DNAH9: variants seen among roughly 807,000 people sequenced by gnomAD.
DNAH9 encodes the protein dynein axonemal heavy chain 9, also known as DNAH9 variant protein.
In DNAH9, 345 loss-of-function variants were observed where a neutral mutation model predicts 471.6. That is an observed-to-expected ratio of 0.73 (90% CI 0.67 to 0.80). The LOEUF is 0.80. Among genes scored for constraint, DNAH9 ranks in the 30% least tolerant of loss-of-function variants. The probability of loss-of-function intolerance (pLI) is 0.00; values close to 1 mark genes in which losing one functional copy is unlikely to be tolerated. For missense variants in DNAH9, 5,407 were observed against 5,609.2 expected (o/e 0.96, Z 1.15); for synonymous variants, 2,093 against 2,123.6 (o/e 0.99, Z 0.40).
Position 11,669,541 on chromosome 17 carries a change from A to G in DNAH9, c.3100A>G (p.Ile1034Val). Residue 1034 changes from isoleucine (I) to valine (V), a missense_variant, in exon 17 of 69, where the codon ATC (isoleucine) becomes GTC (valine). Physicochemically the swap from Ile to Val is conservative, Grantham distance 29. This residue lies in a region of DNAH9 where 4,636 missense variants were observed against 4,900.3 expected (regional missense o/e 0.95). Transcript: ENST00000262442. ...GGGTCAGTTTCTGCTGTACGGGCACATCCTCACTCCGGAAGAAATTGAAGA... is the reference window on the plus strand; with the variant it reads ...GGGTCAGTTTCTGCTGTACGGGCACGTCCTCACTCCGGAAGAAATTGAAGA... ...VLGQFLLYGHILTPEEIEDHV... is the reference protein window; with the variant it reads ...VLGQFLLYGHVLTPEEIEDHV... 6.2e-7 allele frequency: 1 copy of G among 1,614,154 alleles called. No individual in the cohort carries two copies. Among genetic ancestry groups the G allele is most frequent in the Non-Finnish European group, 8.5e-7 (1 of 1,180,034 alleles).
chr17:11,742,980 C>T (rs926267151), intron 30 of DNAH9, among the ~76,000 whole-genome samples: 2 of 152,200 alleles, frequency 1.3e-5, no homozygotes, highest in African/African-American at 4.8e-5. Flanking sequence ...TATCCCCTCT[C>T]TAGGTTCTTT....
chr17:11,861,683 C>T (rs1363157996), intron 50 of DNAH9, among the ~76,000 whole-genome samples: 7 of 152,078 alleles, frequency 4.6e-5, no homozygotes, highest in Admixed American at 2.6e-4. Context: ...TTCTCCAGCA[C>T]CTGTTGTTTC....
At chr17:11,873,892 A>G (rs1212837625) in intron 52 of DNAH9, among the ~76,000 whole-genome samples, 1 of 152,128 alleles carries the variant, frequency 6.6e-6, no homozygotes, top group Non-Finnish European at 1.5e-5. Context: ...TTTCATATCA[A>G]TGTTACCTTA....
chr17:11,741,473 C>A (rs936680892), intron 29 of DNAH9, among the ~76,000 whole-genome samples: 4 of 149,396 alleles, frequency 2.7e-5, no homozygotes, highest in African/African-American at 1.0e-4. Context: ...ATATTTTAGA[C>A]CTCATCATTA....
rs9900277 is a variant in DNAH9, at chr17:11,943,274, C to G, written c.12843+789C>G. Among the ~76,000 whole-genome samples, 316 of 152,280 alleles carry G rather than the reference C, an allele frequency of 2.1e-3. 1 individual carries two copies. The highest frequency in any genetic ancestry group is 7.0e-3 in the African/African-American group (293 of 41,564). On this transcript the variant is annotated intron_variant, in intron 67 of 68. Transcript: ENST00000262442. The stretch of plus-strand genomic sequence containing the variant: ...AGTCCAGGTATGGAACATGCTGGTG[C>G]CTTCATCATGTCTGTCTCTTGGGGT...
chr17:11,964,687 G>T (rs1391585439), intron 68 of DNAH9, among the ~76,000 whole-genome samples: 1 of 152,180 alleles, frequency 6.6e-6, no homozygotes, highest in Non-Finnish European at 1.5e-5. Flanking sequence ...ATCTCAGTAG[G>T]AAGAACAGTC....
rs192199538 is a variant in DNAH9 at position 11,799,109 on chromosome 17, T to C, written c.8420+1316T>C. On this transcript the variant is annotated intron_variant, in intron 43 of 68. Coordinates refer to ENST00000262442, the MANE Select transcript of DNAH9 (RefSeq NM_001372.4). The stretch of plus-strand genomic sequence containing the variant: ...TAATCCTTTCTGTTCCTTGGCTTGC[T>C]TGGCTCCCATGGTCTTTTCTTCTAG... Among the ~76,000 whole-genome samples, 166 of 152,286 alleles carry C rather than the reference T, an allele frequency of 1.1e-3. 1 individual carries two copies. The highest frequency in any genetic ancestry group is 1.8e-3 in the Non-Finnish European group (125 of 68,020).
At chr17:11,702,655 G>A (rs554002864) in intron 24 of DNAH9, among the ~76,000 whole-genome samples, 1 of 152,278 alleles carries the variant, frequency 6.6e-6, no homozygotes, top group Admixed American at 6.5e-5. Flanking sequence ...GCAGGTAAGA[G>A]GTAGGAAATG....
intron 33 of DNAH9, among the ~76,000 whole-genome samples, chr17:11,756,344 C>T (rs1361026234): frequency 6.6e-6 from 1 of 151,808 alleles, no homozygotes; most frequent in African/African-American, 2.4e-5. Flanking sequence ...TGGGGGAAAC[C>T]ACTCCCATGA....
In DNAH9 at chr17:11,625,729, G is replaced by T. The variant is rs201690139; in HGVS notation, c.1351-3688G>T. On this transcript the variant is annotated intron_variant, in intron 6 of 68. Transcript: ENST00000262442. ...CTGCCACCTGCCACCACCATTAAGT[G>T]CTGCACGGTTTTTTCATAAGAATAG... is the stretch of plus-strand genomic sequence containing the variant. Among the ~76,000 whole-genome samples, 190 of 152,286 alleles carry T rather than the reference G, an allele frequency of 1.2e-3. 1 individual carries two copies. Among genetic ancestry groups the T allele is most frequent in the Admixed American group, 9.1e-3 (139 of 15,300 alleles).
chr17:11,803,617 T>C (rs1315396006), intron 43 of DNAH9, among the ~76,000 whole-genome samples: 1 of 152,238 alleles, frequency 6.6e-6, no homozygotes, highest in Non-Finnish European at 1.5e-5. Context: ...TCATCAGAGG[T>C]TGGTAATGAA....
chr17:11,737,906 G>A (rs1483306313), intron 28 of DNAH9, among the ~76,000 whole-genome samples: 1 of 152,176 alleles, frequency 6.6e-6, no homozygotes, highest in Non-Finnish European at 1.5e-5. Flanking sequence ...CGATGAGGAT[G>A]GTCACATGGG....
chr17:11,777,187 G>T (rs1339110994), intron 38 of DNAH9, among the ~76,000 whole-genome samples: 4 of 152,128 alleles, frequency 2.6e-5, no homozygotes, highest in African/African-American at 9.7e-5. Context: ...AGATGACATG[G>T]TTATTGTAAT....
At chr17:11,909,153 T>C (rs1187828864) in intron 61 of DNAH9, among the ~76,000 whole-genome samples, 1 of 152,208 alleles carries the variant, frequency 6.6e-6, no homozygotes, top group Non-Finnish European at 1.5e-5. Context: ...CTATATAATA[T>C]GTTATTGTCA....
chr17:11,702,196 G>A (rs554998442), intron 24 of DNAH9, among the ~76,000 whole-genome samples: 93 of 152,340 alleles, frequency 6.1e-4, no homozygotes, highest in African/African-American at 1.7e-3. Context: ...CAGAGTAAGC[G>A]GAGGAGGAGC....
Position 11,788,507 on chromosome 17 carries a change from G to A in DNAH9, c.8061+3968G>A, listed in dbSNP as rs141302265. Among the ~76,000 whole-genome samples, 167 of 152,240 alleles carry A rather than the reference G, an allele frequency of 1.1e-3. 1 individual carries two copies. The highest frequency in any genetic ancestry group is 3.8e-3 in the African/African-American group (158 of 41,564). On this transcript the variant is annotated intron_variant, in intron 41 of 68. Coordinates refer to ENST00000262442, the MANE Select transcript of DNAH9 (RefSeq NM_001372.4). Reference sequence around the variant, plus strand: ...GTTCTCCTTTGCACCTTCCATTCATGCTTTCCTGCTTTCCTCCTCTTGTCA... The same window carrying A: ...GTTCTCCTTTGCACCTTCCATTCATACTTTCCTGCTTTCCTCCTCTTGTCA...
chr17:11,692,399 C>G (rs2074349586), intron 20 of DNAH9, among the ~76,000 whole-genome samples: 1 of 152,136 alleles, frequency 6.6e-6, no homozygotes, highest in Non-Finnish European at 1.5e-5. Flanking sequence ...AAGCTAATTG[C>G]ATATATTAGT....
At chr17:11,944,551 G>A (rs542220413) in intron 67 of DNAH9, among the ~76,000 whole-genome samples, 1 of 152,256 alleles carries the variant, frequency 6.6e-6, no homozygotes, top group Admixed American at 6.5e-5. Flanking sequence ...GTGATAGGGT[G>A]AACTTCCAAA....
At chr17:11,859,072 G>A (rs2150974706) in intron 50 of DNAH9, among the ~76,000 whole-genome samples, 1 of 92,714 alleles carries the variant, frequency 1.1e-5, no homozygotes, top group Non-Finnish European at 2.1e-5. Flanking sequence ...CAGCAAGAGG[G>A]AAACCCCGTC....
Sources: allele counts gnomAD v4.1 joint callset (sites outside exome capture counted in the v4.1 genomes callset), GRCh38; gene constraint gnomAD v4.1.1; regional missense constraint gnomAD v4.1.1; transcripts MANE v1.5; gene names NCBI Gene and HGNC (gene_info 2026-07-23, HGNC 2026-07-21).